The following CHD1L variants were observed in gnomAD, a reference collection of about 807,000 sequenced individuals.
CHD1L encodes the protein ATP-dependent chromatin remodeler CHD1L.
CHD1L carries 118 observed loss-of-function variants against 115.9 expected under a neutral mutation model. The observed-to-expected ratio is 1.02, with a 90% CI of 0.88 to 1.19. CHD1L has a LOEUF of 1.19. Among genes scored for constraint, CHD1L ranks in the 50% most tolerant of loss-of-function variants. CHD1L has a pLI of 0.00. For missense variants in CHD1L, 1,179 were observed against 1,065.3 expected, an observed-to-expected ratio of 1.11 and a Z score of -1.49; for synonymous variants, 411 against 387.1, an observed-to-expected ratio of 1.06 and a Z score of -0.72.
intron 2 of CHD1L, among the ~76,000 whole-genome samples, chr1:147,254,419 A>G (rs1415061348): frequency 6.6e-6 from 1 of 152,140 alleles, no homozygotes; most frequent in Non-Finnish European, 1.5e-5. Flanking sequence ...TGAGGGAGGA[A>G]GGAAAGCATC....
intron 12 of CHD1L, 181 bp downstream of exon 12, chr1:147,272,462 A>C: frequency 4.0e-6 from 2 of 496,686 alleles, no homozygotes; most frequent in South Asian, 7.1e-5. Flanking sequence ...CCAAACTGTC[A>C]TCTCAGCAAA....
the CHD1L span, chr1:147,179,373 C>G: frequency 1.2e-6 from 2 of 1,600,064 alleles, no homozygotes; most frequent in Non-Finnish European, 1.7e-6. Context: ...AAGAACTTGG[C>G]GAGAAGCTCA....
the CHD1L span, chr1:147,184,541 T>C: frequency 6.5e-7 from 1 of 1,548,686 alleles, no homozygotes; most frequent in Non-Finnish European, 8.7e-7. This position sits in a 1 kb window ranked among gnomAD's most constrained non-coding sequence, Gnocchi z 4.4. Context: ...CAGACTTTCT[T>C]TGTTGATGAT....
At chr1:147,269,847 C>G (rs1344766439) in intron 10 of CHD1L, among the ~76,000 whole-genome samples, 1 of 152,100 alleles carries the variant, frequency 6.6e-6, no homozygotes, top group East Asian at 1.9e-4. Context: ...ATGGCCTGAA[C>G]TAATCTAAAA....
At position 147,255,963 on chromosome 1, in the gene CHD1L, C is replaced by T. The variant is rs782464080; in HGVS notation, c.462+36C>T. On this transcript the variant is annotated intron_variant, in intron 4 of 22. Coordinates refer to ENST00000369258, the MANE Select transcript of CHD1L (RefSeq NM_004284.6). Reference sequence around the variant, plus strand: ...GTTTCTCTATAGCGAGAACTCCTAACCTGTGACCTTAGAAGTTGTAGAGTC... The same window carrying T: ...GTTTCTCTATAGCGAGAACTCCTAATCTGTGACCTTAGAAGTTGTAGAGTC... 20 of 1,417,338 alleles carry T rather than the reference C, an allele frequency of 1.4e-5. No homozygotes were observed. The South Asian group carries it at 1.4e-4, about 10-fold the overall frequency. 87.8% of individuals were successfully genotyped at this position (1,417,338 alleles called of 1,614,324 possible). A position where few individuals can be genotyped will look rare whatever the true frequency, so the allele number is the denominator to read the frequency against.
intron 19 of CHD1L, 130 bp from the exon 20 acceptor site, chr1:147,291,352 A>G (rs1685457792): frequency 2.8e-6 from 2 of 721,382 alleles, no homozygotes. Flanking sequence ...AGGCCAGGAA[A>G]GTGAGAAAGG....
Position 147,256,497 on chromosome 1 carries a change from C to T in CHD1L, c.463-34C>T, listed in dbSNP as rs782409369. 6.3e-6 allele frequency: 10 copies of T among 1,598,598 alleles called. No homozygotes were observed. The South Asian group carries it at 9.9e-5, about 16-fold the overall frequency. The stretch of plus-strand genomic sequence containing the variant: ...TTATCAATATCAGAGTTTATCAATG[C>T]CAGCCTTTATAACGTGTCTTCCTAA... On this transcript the variant is annotated intron_variant, in intron 4 of 22. Coordinates refer to ENST00000369258, the MANE Select transcript of CHD1L (RefSeq NM_004284.6).
In CHD1L at chr1:147,290,345, C is replaced by A. The variant is rs373848413; in HGVS notation, c.2321-1137C>A. 6.4e-4 allele frequency among the ~76,000 whole-genome samples: 98 copies of A among 152,176 alleles called. 1 individual carries two copies. The highest frequency in any genetic ancestry group is 2.2e-3 in the African/African-American group (93 of 41,514). On this transcript the variant is annotated intron_variant, in intron 19 of 22. Coordinates refer to ENST00000369258, the MANE Select transcript of CHD1L (RefSeq NM_004284.6). ...AGTGGTCCACCTCCCTCAGCTTCTC[C>A]AAGTGCAAGGATTACACACATAAGC...
the CHD1L span, chr1:147,204,932 T>G: frequency 6.4e-7 from 1 of 1,553,602 alleles, no homozygotes; most frequent in Non-Finnish European, 8.9e-7. Context: ...TGAAGCGCCA[T>G]GGCCAGCCTG....
chr1:147,238,525 G>A (rs918316174), upstream of CHD1L, among the ~76,000 whole-genome samples: 34 of 152,138 alleles, frequency 2.2e-4, no homozygotes, highest in Admixed American at 6.5e-5. Flanking sequence ...TCCTTTCTGT[G>A]GAGGAATAAA....
At chr1:147,226,805 T>A in the CHD1L span, among the ~76,000 whole-genome samples, 1 of 151,584 alleles carries the variant, frequency 6.6e-6, no homozygotes, top group Admixed American at 6.6e-5. Context: ...TAGCAGACTC[T>A]AATTAACATT....
rs1392391047 is a variant in CHD1L at position 147,285,396 on chromosome 1, A to G, written c.1927A>G (p.Arg643Gly). 1.2e-6 allele frequency: 2 copies of G among 1,614,000 alleles called. No homozygotes were observed. Among genetic ancestry groups the G allele is most frequent in the Non-Finnish European group, 1.7e-6 (2 of 1,179,996 alleles). ...TCTGAGTCCAGAAGAGCTGGAGGAC[A>G]GACAGAAGAAAAGACAAGAAGCAGC... ...RVLSPEELEDRQKKRQEAAAK... is the reference protein window; with the variant it reads ...RVLSPEELEDGQKKRQEAAAK... The change falls in exon 17 of 23, where the codon AGA (arginine) becomes GGA (glycine). Residue 643 changes from arginine to glycine, a missense_variant. By Grantham distance (125) the Arg-to-Gly change is moderately radical (BLOSUM62 -2). Transcript: ENST00000369258.
At chr1:147,215,791 G>C in the CHD1L span, 1 of 1,611,678 alleles carries the variant, frequency 6.2e-7, no homozygotes, top group Non-Finnish European at 8.5e-7. Context: ...AAATTCTTTG[G>C]CATACATCCT....
the CHD1L span, chr1:147,190,247 G>T: frequency 6.3e-7 from 1 of 1,599,904 alleles, no homozygotes; most frequent in Non-Finnish European, 8.5e-7. Context: ...AATGTCTTTA[G>T]ACCTAAAAAC....
chr1:147,288,350 A>AAAG (rs1684212228), intron 19 of CHD1L, among the ~76,000 whole-genome samples: 5 of 148,666 alleles, frequency 3.4e-5, no homozygotes, highest in Non-Finnish European at 6.0e-5. Flanking sequence ...AAAAAAAGAA[A>AAAG]AAGAGAACTA....
chr1:147,225,126 C>A, the CHD1L span: 4 of 1,587,934 alleles, frequency 2.5e-6, no homozygotes, highest in East Asian at 2.2e-5. Flanking sequence ...TCAAGGAAGA[C>A]CTTGGCCGTG....
chr1:147,211,510 A>C, the CHD1L span: 2 of 152,238 alleles, frequency 1.3e-5, no homozygotes, highest in African/African-American at 4.8e-5. Context: ...GCTGAGTAAG[A>C]GTCATTTAAC....
intron 14 of CHD1L, among the ~76,000 whole-genome samples, chr1:147,278,243 T>TTTTG (rs1284406926): frequency 6.8e-6 from 1 of 146,178 alleles, no homozygotes; most frequent in Admixed American, 6.8e-5. Context: ...TTTTTTTTTT[T>TTTTG]GAGACAGAGT....
rs782431302 is a variant in CHD1L, at chr1:147,268,763, T to C, written c.989-19T>C. ...CTTACTGAGGGCACATTACTGGGAG[T>C]GGGTTCTTTCTTTTCTAGGTGTGGA... On this transcript the variant is annotated intron_variant, in intron 9 of 22. Coordinates refer to ENST00000369258, the MANE Select transcript of CHD1L (RefSeq NM_004284.6). 4 of 1,605,826 alleles carry C rather than the reference T, an allele frequency of 2.5e-6. No individual in the cohort carries two copies. The highest frequency in any genetic ancestry group is 2.6e-6 in the Non-Finnish European group (3 of 1,174,068).
Sources: gnomAD v4.1 joint callset for allele counts (sites outside exome capture counted in the v4.1 genomes callset) on GRCh38, gnomAD v4.1.1 for gene constraint, Gnocchi (gnomAD v3.1) non-coding constraint, MANE v1.5 for transcripts, NCBI Gene and HGNC (gene_info 2026-07-23, HGNC 2026-07-21) for gene names.